The following SUZ12 variants were observed in gnomAD, a reference collection of about 807,000 sequenced individuals.
The protein encoded by SUZ12 is SUZ12 polycomb repressive complex 2 subunit, also known as polycomb protein SUZ12.
SUZ12 carries 17 observed loss-of-function variants against 87.3 expected under a neutral mutation model. The ratio of observed to expected loss-of-function variants is 0.19; its 90% CI spans 0.13 to 0.29. The LOEUF (loss-of-function observed/expected upper bound fraction) is 0.29, where lower values mean the gene tolerates loss of function less well. Ranked by LOEUF, SUZ12 falls within the 10% of genes least tolerant of loss-of-function variation. The pLI is 1.00. For missense variants in SUZ12, 526 were observed against 912.2 expected, an observed-to-expected ratio of 0.58 and a Z score of 5.45; for synonymous variants, 253 against 312.4, an observed-to-expected ratio of 0.81 and a Z score of 2.01.
At chr17:31,943,684 T>A (rs190621258) in intron 3 of SUZ12, among the ~76,000 whole-genome samples, 8 of 152,086 alleles carry the variant, frequency 5.3e-5, no homozygotes, top group African/African-American at 1.7e-4. Flanking sequence ...AGAATTCGAC[T>A]AACTGTTTTG....
intron 5 of SUZ12, among the ~76,000 whole-genome samples, chr17:31,972,787 C>T (rs1021011361): frequency 3.3e-5 from 5 of 149,574 alleles, no homozygotes; most frequent in Admixed American, 2.7e-4. Flanking sequence ...AGGAGGCTGC[C>T]GTGCTGATGT....
chr17:31,945,138 G>A (rs189802104), intron 3 of SUZ12, among the ~76,000 whole-genome samples: 11 of 151,514 alleles, frequency 7.3e-5, no homozygotes, highest in African/African-American at 2.2e-4. Context: ...TACTTATTAG[G>A]ACTAATTATT....
chr17:31,980,152 C>T (rs955841659), intron 8 of SUZ12, among the ~76,000 whole-genome samples: 11 of 150,836 alleles, frequency 7.3e-5, no homozygotes, highest in East Asian at 3.9e-4. Flanking sequence ...AGCAAGACCT[C>T]GTTCCTAAAA....
At chr17:31,995,872 A>AAG in intron 14 of SUZ12, 110 bp downstream of exon 14, 2 of 852,330 alleles carry the variant, frequency 2.3e-6, no homozygotes, top group Non-Finnish European at 3.6e-6. Flanking sequence ...TAAAAAAAAA[A>AAG]AAAGGAATCC....
intron 4 of SUZ12, among the ~76,000 whole-genome samples, chr17:31,953,834 C>T (rs1907133775): frequency 6.6e-6 from 1 of 151,440 alleles, no homozygotes; most frequent in Non-Finnish European, 1.5e-5. Flanking sequence ...CTGCCTTGGC[C>T]TCCCGAGTAG....
chr17:31,983,809 C>T (rs1339034943), intron 9 of SUZ12, among the ~76,000 whole-genome samples: 3 of 152,100 alleles, frequency 2.0e-5, no homozygotes, highest in Non-Finnish European at 4.4e-5. Flanking sequence ...ATTGTAATGG[C>T]AGGTAATAAG....
intron 9 of SUZ12, among the ~76,000 whole-genome samples, chr17:31,986,654 C>T (rs1419450676): frequency 3.3e-5 from 5 of 152,074 alleles, no homozygotes; most frequent in East Asian, 1.9e-4. Flanking sequence ...CGAGTTCAAG[C>T]GATTCTCCTG....
At chr17:31,993,155 CTTTAATA>C (rs1336334510) in intron 10 of SUZ12, 80 bp from the exon 11 acceptor site, 2 of 787,736 alleles carry the variant, frequency 2.5e-6, no homozygotes, top group East Asian at 3.0e-5. Flanking sequence ...TCTGTGAAAC[CTTTAATA>C]TTTAATAGTT....
At chr17:31,962,185 C>A (rs942952977) in intron 4 of SUZ12, among the ~76,000 whole-genome samples, 1 of 152,164 alleles carries the variant, frequency 6.6e-6, no homozygotes, top group African/African-American at 2.4e-5. Flanking sequence ...CCTATAATCG[C>A]AGCACTTGGG....
At chr17:31,946,198 A>G (rs1172401042) in intron 3 of SUZ12, among the ~76,000 whole-genome samples, 26 of 152,132 alleles carry the variant, frequency 1.7e-4, no homozygotes, top group African/African-American at 2.4e-5. Flanking sequence ...TTACATTAAC[A>G]TTTCTCTACT....
rs1448006916 is a variant in SUZ12, at chr17:31,947,645, T to C, written c.415T>C (p.Ser139Pro). 3.1e-6 allele frequency: 5 copies of C among 1,604,642 alleles called. No individual in the cohort carries two copies. In the Admixed American group the frequency reaches 6.8e-5, roughly 22 times the overall value. Reference sequence around the variant, plus strand: ...AACATTTAAAGTTGATGATATGTTATCAAAAGTAGAGAAAATGAAAGGAGA... The same window carrying C: ...AACATTTAAAGTTGATGATATGTTACCAAAAGTAGAGAAAATGAAAGGAGA... ...RKTFKVDDML[S>P]KVEKMKGEQE... The change falls in exon 4 of 16, where the codon TCA (serine) becomes CCA (proline). Residue 139 changes from serine to proline, a missense_variant. By Grantham distance (74) the Ser-to-Pro change is moderately conservative (BLOSUM62 -1). Around this residue, in one of 9 missense-constraint regions of SUZ12, gnomAD observed 49 missense variants for 73.2 expected, o/e 0.67. Transcript: ENST00000322652.
Position 31,995,245 on chromosome 17 carries a change from T to G in SUZ12, c.1596-319T>G, listed in dbSNP as rs56140220. Among the ~76,000 whole-genome samples, 1,147 of 152,306 alleles carry G rather than the reference T, an allele frequency of 7.5e-3. 12 individuals carry two copies. The highest frequency in any genetic ancestry group is 0.026 in the African/African-American group (1,095 of 41,552). On this transcript the variant is annotated intron_variant, in intron 13 of 15. Transcript: ENST00000322652. ...AATATACATGAGTTAGAATACACAG[T>G]TTTGACATGTAGGATTTTATATGCA...
At chr17:31,941,619 G>C (rs576827808) in intron 3 of SUZ12, among the ~76,000 whole-genome samples, 17 of 151,104 alleles carry the variant, frequency 1.1e-4, no homozygotes, top group African/African-American at 4.1e-4. Flanking sequence ...GCGCAACCTC[G>C]GCTCACTGCA....
At chr17:31,982,251 T>C (rs1399021757) in intron 8 of SUZ12, among the ~76,000 whole-genome samples, 1 of 152,200 alleles carries the variant, frequency 6.6e-6, no homozygotes, top group Non-Finnish European at 1.5e-5. Flanking sequence ...AGTTTACTGG[T>C]CAAGTATAAA....
intron 6 of SUZ12, among the ~76,000 whole-genome samples, chr17:31,973,887 T>C (rs923862732): frequency 1.3e-5 from 2 of 151,560 alleles, no homozygotes; most frequent in African/African-American, 4.9e-5. Context: ...TGGGAGGGAG[T>C]AGACTAAGGC....
intron 1 of SUZ12, 124 bp downstream of exon 1, chr17:31,937,644 G>C (rs1285027212): frequency 7.5e-7 from 1 of 1,330,520 alleles, no homozygotes; most frequent in East Asian, 2.8e-5. Flanking sequence ...GAGGAATTGA[G>C]GGGATGTCCC....
At chr17:31,993,798 A>T in intron 11 of SUZ12, 67 bp from the exon 12 acceptor site, 2 of 1,457,736 alleles carry the variant, frequency 1.4e-6, no homozygotes, top group Non-Finnish European at 1.9e-6. Context: ...TTTAGAAGTG[A>T]TATTTAAACA....
chr17:31,981,659 A>G (rs1909114802), intron 8 of SUZ12, among the ~76,000 whole-genome samples: 1 of 150,692 alleles, frequency 6.6e-6, no homozygotes, highest in Admixed American at 6.6e-5. Context: ...GAAGTTGACT[A>G]AATTTAAGTA....
At chr17:31,986,272 G>A (rs1437488569) in intron 9 of SUZ12, among the ~76,000 whole-genome samples, 1 of 152,136 alleles carries the variant, frequency 6.6e-6, no homozygotes, top group Non-Finnish European at 1.5e-5. Flanking sequence ...TGTAAAATGG[G>A]CATCCTTTTA....
Sources: gnomAD v4.1 joint callset for allele counts (sites outside exome capture counted in the v4.1 genomes callset) on GRCh38, gnomAD v4.1.1 for gene constraint, gnomAD v4.1.1 regional missense constraint, MANE v1.5 for transcripts, NCBI Gene and HGNC (gene_info 2026-07-23, HGNC 2026-07-21) for gene names.